RBM25: variants seen among roughly 807,000 people sequenced by gnomAD.
RBM25 encodes the protein RNA-binding protein 25.
In RBM25, 19 loss-of-function variants were observed where a neutral mutation model predicts 120.7. The ratio of observed to expected loss-of-function variants is 0.16; its 90% CI spans 0.11 to 0.23. RBM25 has a LOEUF of 0.23. Ranked by LOEUF, RBM25 falls within the 10% of genes least tolerant of loss-of-function variation. The probability of loss-of-function intolerance (pLI) is 1.00; values close to 1 mark genes in which losing one functional copy is unlikely to be tolerated. For missense variants in RBM25, 605 were observed against 1,041.5 expected (o/e 0.58, Z 5.77); for synonymous variants, 390 against 326.7 (o/e 1.19, Z -2.09).
intron 12 of RBM25, 64 bp downstream of exon 12, chr14:73,106,349 A>AAAGTT: frequency 8.4e-7 from 1 of 1,195,966 alleles, no homozygotes; most frequent in Non-Finnish European, 1.2e-6. Context: ...CTTTACTGCT[A>AAAGTT]ACTACAAGTA....
chr14:73,069,315 A>G (rs1330699122), intron 1 of RBM25, among the ~76,000 whole-genome samples: 1 of 152,266 alleles, frequency 6.6e-6, no homozygotes, highest in Non-Finnish European at 1.5e-5. Flanking sequence ...ATAGAATGAT[A>G]TTAAGAAGAG....
At chr14:73,104,798 T>C (rs1414174992) in intron 10 of RBM25, among the ~76,000 whole-genome samples, 4 of 152,308 alleles carry the variant, frequency 2.6e-5, no homozygotes, top group East Asian at 1.9e-4. Context: ...TTTAAAAATA[T>C]ACATTACTGT....
chr14:73,083,053 C>T (rs983799370), intron 4 of RBM25, among the ~76,000 whole-genome samples: 2 of 152,118 alleles, frequency 1.3e-5, no homozygotes, highest in African/African-American at 4.8e-5. Flanking sequence ...GCACTCCAGC[C>T]TGGGTGACAG....
rs1803633367 is a variant in RBM25 at position 73,103,447 on chromosome 14, T to G, written c.1123T>G (p.Ser375Ala). Reference sequence around the variant, plus strand: ...TCGTGACCGGGATAGAGAAAGGAGCTCAGATCGTAATAAGGATCGCAGTCG... The same window carrying G: ...TCGTGACCGGGATAGAGAAAGGAGCGCAGATCGTAATAAGGATCGCAGTCG... The part of the protein sequence containing the change: ...RDRDRDRERS[S>A]DRNKDRSRSR... The change falls in exon 10 of 19, where the codon TCA (serine) becomes GCA (alanine). Residue 375 changes from serine (S) to alanine (A), a missense_variant. Transcript: ENST00000261973. The G allele has an allele frequency of 6.2e-7, 1 of 1,607,498 alleles. No individual in the cohort carries two copies. The highest frequency in any genetic ancestry group is 8.5e-7 in the Non-Finnish European group (1 of 1,177,768).
chr14:73,110,874 A>G lies in RBM25; in HGVS notation c.1736A>G (p.Gln579Arg). The change falls in exon 15 of 19, where the codon CAA (glutamine) becomes CGA (arginine). Residue 579 changes from glutamine to arginine, a missense_variant. Coordinates refer to ENST00000261973, the MANE Select transcript of RBM25 (RefSeq NM_021239.3). ...AGGCGCAGGCAGCCACAAATAAAGC[A>G]AGAGCCAGAATCAGAAGAGGAGGAA... ...AERRRQPQIK[Q>R]EPESEEEEEE... is the part of the protein sequence containing the mutation. 1 of 1,612,484 alleles carries G rather than the reference A, an allele frequency of 6.2e-7. No individual in the cohort carries two copies.
intron 6 of RBM25, among the ~76,000 whole-genome samples, chr14:73,093,505 C>G (rs1173505185): frequency 6.6e-6 from 1 of 152,164 alleles, no homozygotes; most frequent in Non-Finnish European, 1.5e-5. Flanking sequence ...ATTATGCTTT[C>G]TGGTTTCTCC....
chr14:73,111,646 G>C lies in RBM25; in HGVS notation c.2136G>C (p.Leu712=), dbSNP rs371767586. 3.1e-6 allele frequency: 5 copies of C among 1,613,972 alleles called. No individual in the cohort carries two copies. In the African/African-American group the frequency reaches 6.7e-5, roughly 22 times the overall value. ...DSDDVPRKRK[L]VPLDYGEDDK... ...ATGACGTACCCCGAAAAAGGAAACT[G>C]GTTCCCTTGGATTATGGTGAAGATG... Residue 712 remains leucine (L), a synonymous_variant, in exon 16 of 19, where the codon CTG becomes CTC. Transcript: ENST00000261973.
chr14:73,116,851 A>G (rs528258560), intron 18 of RBM25, among the ~76,000 whole-genome samples: 1 of 152,284 alleles, frequency 6.6e-6, no homozygotes, highest in South Asian at 2.1e-4. Context: ...GAATGAGAGG[A>G]AACCAGTTGA....
At chr14:73,093,823 A>T (rs113689131) in intron 6 of RBM25, among the ~76,000 whole-genome samples, 1,822 of 150,940 alleles carry the variant, frequency 0.012, 34 homozygotes, top group African/African-American at 0.043. Context: ...TTTCTGAAGT[A>T]TAAGAAAAAA....
intron 5 of RBM25, among the ~76,000 whole-genome samples, chr14:73,086,333 G>C (rs900024983): frequency 2.6e-5 from 4 of 151,746 alleles, no homozygotes; most frequent in African/African-American, 9.7e-5. Context: ...AGCTACTCAG[G>C]AGGCTGAGGC....
intron 12 of RBM25, 138 bp from the exon 13 acceptor site, chr14:73,107,688 G>C: frequency 3.0e-6 from 2 of 668,140 alleles, no homozygotes; most frequent in Non-Finnish European, 5.2e-6. Flanking sequence ...TTAAAATTAT[G>C]TGAAGAGAAA....
At chr14:73,060,575 T>C (rs1344133310) in intron 1 of RBM25, among the ~76,000 whole-genome samples, 1 of 151,566 alleles carries the variant, frequency 6.6e-6, no homozygotes, top group Non-Finnish European at 1.5e-5. Flanking sequence ...GATCTCTTGA[T>C]TGACTTTTCA....
chr14:73,073,782 A>G (rs541403717), intron 2 of RBM25, among the ~76,000 whole-genome samples: 1 of 152,346 alleles, frequency 6.6e-6, no homozygotes, highest in Non-Finnish European at 1.5e-5. Context: ...TTATGCTTGT[A>G]GTGGAGCTGC....
intron 1 of RBM25, among the ~76,000 whole-genome samples, chr14:73,068,910 T>A (rs1001250710): frequency 1.3e-5 from 2 of 151,890 alleles, no homozygotes; most frequent in African/African-American, 4.8e-5. Flanking sequence ...AAGACTTTAT[T>A]TTTATTTTTT....
rs751587133 is a variant in RBM25, at chr14:73,110,811, G to C, written c.1693-20G>C. Reference sequence around the variant, plus strand: ...AATGGTGTAGAGTTGTAGTTAATCAGATTATTGTTTGGGTTTTAGATGGAA... The same window carrying C: ...AATGGTGTAGAGTTGTAGTTAATCACATTATTGTTTGGGTTTTAGATGGAA... On this transcript the variant is annotated intron_variant, in intron 14 of 18. Transcript: ENST00000261973. 4 of 1,588,440 alleles carry C rather than the reference G, an allele frequency of 2.5e-6. No homozygotes were observed. The highest frequency in any genetic ancestry group is 3.4e-6 in the Non-Finnish European group (4 of 1,172,164).
rs34580918 is a variant in RBM25, at chr14:73,074,991, C to CT, written c.107-1313dup. 3.6e-3 allele frequency among the ~76,000 whole-genome samples: 491 copies of CT among 137,432 alleles called. 5 individuals carry two copies. The highest frequency in any genetic ancestry group is 9.6e-3 in the African/African-American group (361 of 37,660). 90.2% of individuals were successfully genotyped at this position (137,432 alleles called of 152,430 possible). A position where few individuals can be genotyped will look rare whatever the true frequency, so the allele number is the denominator to read the frequency against. ...GCTACCGTGTCCCCTCACTCCCTGC[C>CT]TTTTTTTTTTTTTTTAAATAAAGAA... On this transcript the variant is annotated intron_variant, in intron 2 of 18. Transcript: ENST00000261973.
rs770319265 is a variant in RBM25, at chr14:73,111,805, G to A, written c.2292+3G>A. ...TGGATTGGTCTATTGTGGATTCTGTGAGTAGGAAATTATATTTCATCATAT... is the reference window on the plus strand; with the variant it reads ...TGGATTGGTCTATTGTGGATTCTGTAAGTAGGAAATTATATTTCATCATAT... On this transcript the variant is annotated splice_donor_region_variant and intron_variant, in intron 16 of 18. Transcript: ENST00000261973. 1.3e-6 allele frequency: 2 copies of A among 1,572,382 alleles called. No individual in the cohort carries two copies. The highest frequency in any genetic ancestry group is 1.7e-6 in the Non-Finnish European group (2 of 1,164,492).
chr14:73,080,214 T>TTTTTC (rs1895526342), intron 4 of RBM25, among the ~76,000 whole-genome samples: 1 of 53,406 alleles, frequency 1.9e-5, no homozygotes, highest in African/African-American at 1.2e-4. Context: ...CTTACACATC[T>TTTTTC]TTTTTTTTTT....
rs1425364779 is a variant in RBM25, at chr14:73,109,595, C to T, written c.1692+103C>T. ...GATCACGAGGTCGGGAGATCGAGATCATCCTGGCTAACACGGTGAAACCCC... is the reference window on the plus strand; with the variant it reads ...GATCACGAGGTCGGGAGATCGAGATTATCCTGGCTAACACGGTGAAACCCC... On this transcript the variant is annotated intron_variant, in intron 14 of 18. Coordinates refer to ENST00000261973, the MANE Select transcript of RBM25 (RefSeq NM_021239.3). 7 of 1,095,252 alleles carry T rather than the reference C, an allele frequency of 6.4e-6. No homozygotes were observed. In the African/African-American group the frequency reaches 9.6e-5, roughly 15 times the overall value. The allele number at this position is 1,095,252 out of a possible 1,614,324, so 67.8% of individuals were successfully genotyped here.
Sources: gnomAD v4.1 joint callset for allele counts (sites outside exome capture counted in the v4.1 genomes callset) on GRCh38, gnomAD v4.1.1 for gene constraint, MANE v1.5 for transcripts, NCBI Gene and HGNC (gene_info 2026-07-23, HGNC 2026-07-21) for gene names.